DCC: variants seen among roughly 807,000 people sequenced by gnomAD.
The protein encoded by DCC is DCC netrin 1 receptor.
A neutral mutation model predicts 172.5 loss-of-function variants in DCC; 58 were observed. The observed-to-expected ratio is 0.34, with a 90% CI of 0.27 to 0.42. The LOEUF is 0.42. Ranked by LOEUF, DCC falls within the 10% of genes least tolerant of loss-of-function variation. The pLI, the probability that DCC is intolerant of heterozygous loss-of-function variation, is 1.00. For synonymous variants in DCC, 709 were observed against 644.5 expected (o/e 1.10, Z -1.52); for missense variants, 1,740 against 1,791.0 (o/e 0.97, Z 0.51).
chr18:53,473,540 A>G (rs949566252), intron 25 of DCC, among the ~76,000 whole-genome samples: 3 of 152,186 alleles, frequency 2.0e-5, no homozygotes, highest in African/African-American at 4.8e-5. Context: ...GAGGCTTAGA[A>G]AGAGAAAGAA....
chr18:53,511,591 C>G (rs1202364727), intron 27 of DCC, among the ~76,000 whole-genome samples: 1 of 152,170 alleles, frequency 6.6e-6, no homozygotes, highest in Non-Finnish European at 1.5e-5. Flanking sequence ...GGGCGCAGGT[C>G]AGTGGGTGCG....
chr18:52,661,746 T>C (rs1354461011), intron 1 of DCC, among the ~76,000 whole-genome samples: 1 of 152,164 alleles, frequency 6.6e-6, no homozygotes, highest in East Asian at 1.9e-4. Context: ...TCTTCTAAAA[T>C]AGAGAAAGTA....
At chr18:52,790,801 TA>T (rs2037749433) in intron 2 of DCC, among the ~76,000 whole-genome samples, 1 of 152,236 alleles carries the variant, frequency 6.6e-6, no homozygotes, top group Non-Finnish European at 1.5e-5. Flanking sequence ...GTTTTTCACC[TA>T]CAGTTGGGGT....
chr18:53,070,392 T>A (rs2042636660), intron 7 of DCC, among the ~76,000 whole-genome samples: 1 of 152,206 alleles, frequency 6.6e-6, no homozygotes, highest in South Asian at 2.1e-4. Flanking sequence ...ACAGTGTGTG[T>A]TTGAAGACGG....
intron 1 of DCC, among the ~76,000 whole-genome samples, chr18:52,443,266 T>G (rs1988024381): frequency 6.6e-6 from 1 of 152,178 alleles, no homozygotes; most frequent in Non-Finnish European, 1.5e-5. Context: ...TATGAACAAT[T>G]AGTAACAAGT....
At chr18:53,480,359 T>C (rs1049591974) in intron 25 of DCC, among the ~76,000 whole-genome samples, 1 of 152,164 alleles carries the variant, frequency 6.6e-6, no homozygotes, top group Non-Finnish European at 1.5e-5. Flanking sequence ...TTGGGCCAGA[T>C]AGACTTCAAT....
intron 2 of DCC, among the ~76,000 whole-genome samples, chr18:52,829,277 T>C (rs1183127044): frequency 1.3e-5 from 2 of 152,206 alleles, no homozygotes; most frequent in Admixed American, 6.5e-5. Flanking sequence ...CTCATTGTAC[T>C]AAAACAGATT....
chr18:53,137,452 T>C (rs2043761352), intron 7 of DCC, among the ~76,000 whole-genome samples: 1 of 152,230 alleles, frequency 6.6e-6, no homozygotes, highest in Non-Finnish European at 1.5e-5. Context: ...ACATGAAAGC[T>C]CACTTCTTTG....
At chr18:53,058,615 A>T (rs1392298186) in intron 5 of DCC, among the ~76,000 whole-genome samples, 1 of 152,158 alleles carries the variant, frequency 6.6e-6, no homozygotes, top group Non-Finnish European at 1.5e-5. Flanking sequence ...TGAGAAAAAA[A>T]CAGAGATCAA....
intron 5 of DCC, among the ~76,000 whole-genome samples, chr18:53,023,285 A>G (rs778193402): frequency 5.3e-5 from 8 of 151,204 alleles, no homozygotes; most frequent in Non-Finnish European, 8.8e-5. Context: ...TTAGTAGTCG[A>G]CTGTTTCTAA....
intron 18 of DCC, among the ~76,000 whole-genome samples, chr18:53,400,778 C>A (rs940424319): frequency 4.6e-5 from 7 of 152,076 alleles, no homozygotes; most frequent in African/African-American, 1.7e-4. Flanking sequence ...ACTAATTCTT[C>A]ATTGTATTAT....
At chr18:52,616,486 A>G (rs1172427795) in intron 1 of DCC, among the ~76,000 whole-genome samples, 1 of 152,200 alleles carries the variant, frequency 6.6e-6, no homozygotes, top group Non-Finnish European at 1.5e-5. Flanking sequence ...CAATGTTTGA[A>G]GAAAAATAGA....
At chr18:52,539,771 C>T (rs145219273) in intron 1 of DCC, among the ~76,000 whole-genome samples, 11 of 152,230 alleles carry the variant, frequency 7.2e-5, no homozygotes, top group Admixed American at 4.6e-4. Flanking sequence ...TGAGTATTCT[C>T]ACCACAAAAA....
intron 1 of DCC, among the ~76,000 whole-genome samples, chr18:52,659,273 A>C (rs2035313187): frequency 6.6e-6 from 1 of 152,164 alleles, no homozygotes; most frequent in Non-Finnish European, 1.5e-5. Context: ...TTTGGGGAGT[A>C]AATGATAATC....
intron 27 of DCC, among the ~76,000 whole-genome samples, chr18:53,506,383 AT>A (rs771472537): frequency 6.6e-6 from 1 of 152,184 alleles, no homozygotes; most frequent in Non-Finnish European, 1.5e-5. Flanking sequence ...ATTCATGAAC[AT>A]TTTATAACAT....
intron 5 of DCC, among the ~76,000 whole-genome samples, chr18:53,037,478 C>G: frequency 6.6e-6 from 1 of 151,922 alleles, no homozygotes; most frequent in African/African-American, 2.4e-5. Context: ...GTCATTTGTA[C>G]AGCCTCGCTC....
At chr18:52,420,067 A>C (rs1987194871) in intron 1 of DCC, among the ~76,000 whole-genome samples, 1 of 152,204 alleles carries the variant, frequency 6.6e-6, no homozygotes, top group Non-Finnish European at 1.5e-5. Context: ...AACCTCTGAC[A>C]AAGTTGTATT....
chr18:52,752,118 G>T lies in DCC; in HGVS notation c.156G>T (p.Met52Ile), dbSNP rs1229149749. Reference sequence around the variant, plus strand: ...CAGAACCTTCTGATGCCGTCACAATGCGGGGAGGAAATGTCCTCCTCGACT... The same window carrying T: ...CAGAACCTTCTGATGCCGTCACAATTCGGGGAGGAAATGTCCTCCTCGACT... Reference protein sequence around the residue: ...FLSEPSDAVTMRGGNVLLDCS... With the variant: ...FLSEPSDAVTIRGGNVLLDCS... Residue 52 changes from methionine to isoleucine, a missense_variant, in exon 2 of 29, where the codon ATG becomes ATT. Met to Ile is a conservative substitution (Grantham distance 10). Coordinates refer to ENST00000442544, the MANE Select transcript of DCC (RefSeq NM_005215.4). 1.2e-6 allele frequency: 2 copies of T among 1,614,008 alleles called. No individual in the cohort carries two copies. Among genetic ancestry groups the T allele is most frequent in the Non-Finnish European group, 1.7e-6 (2 of 1,180,034 alleles).
At chr18:52,523,503 A>C (rs189542266) in intron 1 of DCC, among the ~76,000 whole-genome samples, 2 of 152,320 alleles carry the variant, frequency 1.3e-5, no homozygotes, top group East Asian at 3.9e-4. Context: ...TTTTAGAAAA[A>C]TCAAAAAATA....
Sources: gnomAD v4.1 joint callset for allele counts (sites outside exome capture counted in the v4.1 genomes callset) on GRCh38, gnomAD v4.1.1 for gene constraint, MANE v1.5 for transcripts, NCBI Gene and HGNC (gene_info 2026-07-23, HGNC 2026-07-21) for gene names.